Variants in PIP4K2A observed in about 807,000 individuals in gnomAD.
The protein encoded by PIP4K2A is phosphatidylinositol 5-phosphate 4-kinase type-2 alpha.
PIP4K2A carries 14 observed loss-of-function variants against 42.9 expected under a neutral mutation model. The ratio of observed to expected loss-of-function variants is 0.33; its 90% CI spans 0.22 to 0.51. The LOEUF (loss-of-function observed/expected upper bound fraction) is 0.51. Among genes scored for constraint, PIP4K2A ranks in the 20% least tolerant of loss-of-function variants. PIP4K2A has a pLI of 0.97. For synonymous variants in PIP4K2A, 192 were observed against 192.2 expected (o/e 1.00, Z 0.01); for missense variants, 434 against 519.8 (o/e 0.83, Z 1.61).
intron 4 of PIP4K2A, among the ~76,000 whole-genome samples, chr10:22,583,889 C>G (rs936989554): frequency 6.6e-6 from 1 of 152,248 alleles, no homozygotes; most frequent in Non-Finnish European, 1.5e-5. Context: ...CTTCCGAGGG[C>G]AGCCTGTCAT....
intron 1 of PIP4K2A, among the ~76,000 whole-genome samples, chr10:22,706,442 G>A (rs887013424): frequency 3.9e-5 from 6 of 152,104 alleles, no homozygotes; most frequent in African/African-American, 9.7e-5. Context: ...TGACCCCTCC[G>A]CCTGAAATGC....
intron 1 of PIP4K2A, among the ~76,000 whole-genome samples, chr10:22,623,173 A>T (rs1778307): frequency 0.45 from 67,309 of 150,894 alleles, 16,783 homozygotes; most frequent in African/African-American, 0.69. Flanking sequence ...CTTTTTTTTT[A>T]AAAAAAAAGG....
At chr10:22,610,390 A>G (rs1838002737) in intron 1 of PIP4K2A, among the ~76,000 whole-genome samples, 1 of 152,234 alleles carries the variant, frequency 6.6e-6, no homozygotes, top group South Asian at 2.1e-4. Context: ...ACAGCTTTGG[A>G]CACAATTTTG....
At chr10:22,607,819 CTATTA>C (rs1349442143) in intron 3 of PIP4K2A, 103 bp downstream of exon 3, 3 of 620,322 alleles carry the variant, frequency 4.8e-6, no homozygotes, top group African/African-American at 1.9e-5. Context: ...ATGAAAATTA[CTATTA>C]TATAATACTT....
At chr10:22,582,519 A>G (rs1461351950) in intron 4 of PIP4K2A, among the ~76,000 whole-genome samples, 1 of 152,198 alleles carries the variant, frequency 6.6e-6, no homozygotes, top group Non-Finnish European at 1.5e-5. Context: ...ATCATGTTTC[A>G]CTCATTTTTT....
intron 3 of PIP4K2A, among the ~76,000 whole-genome samples, chr10:22,592,923 G>C (rs1439797755): frequency 6.6e-6 from 1 of 152,250 alleles, no homozygotes; most frequent in African/African-American, 2.4e-5. Context: ...AAAGGCCTCA[G>C]TGGCCAAATG....
At chr10:22,605,012 G>T (rs567926881) in intron 3 of PIP4K2A, among the ~76,000 whole-genome samples, 1 of 152,208 alleles carries the variant, frequency 6.6e-6, no homozygotes, top group East Asian at 1.9e-4. Flanking sequence ...AAACCAAGTA[G>T]CCAAAAGACT....
chr10:22,645,066 C>T (rs1838852581), intron 1 of PIP4K2A, among the ~76,000 whole-genome samples: 1 of 152,158 alleles, frequency 6.6e-6, no homozygotes, highest in Non-Finnish European at 1.5e-5. Flanking sequence ...TCAGGTAGAA[C>T]CAAATCACTA....
chr10:22,577,077 CAAAAAA>C (rs5783800), intron 4 of PIP4K2A, among the ~76,000 whole-genome samples: 2 of 76,476 alleles, frequency 2.6e-5, no homozygotes, highest in Admixed American at 1.4e-4. Context: ...ACTCCTGTCT[CAAAAAA>C]AAAAAAAAAA....
chr10:22,653,909 T>C (rs958466617), intron 1 of PIP4K2A, among the ~76,000 whole-genome samples: 1 of 152,020 alleles, frequency 6.6e-6, no homozygotes, highest in African/African-American at 2.4e-5. Flanking sequence ...TTAGTGGAGA[T>C]TTGGGAAAGG....
intron 6 of PIP4K2A, among the ~76,000 whole-genome samples, chr10:22,557,639 T>G (rs1836585335): frequency 6.6e-6 from 1 of 152,204 alleles, no homozygotes; most frequent in African/African-American, 2.4e-5. Context: ...TAAAAAACTA[T>G]CTTTCAGATG....
At chr10:22,682,549 A>G (rs1334573467) in intron 1 of PIP4K2A, among the ~76,000 whole-genome samples, 3 of 152,242 alleles carry the variant, frequency 2.0e-5, no homozygotes, top group Non-Finnish European at 2.9e-5. Flanking sequence ...AAAAAGTGCC[A>G]TCAACTTGAC....
intron 1 of PIP4K2A, among the ~76,000 whole-genome samples, chr10:22,667,378 A>G (rs929202316): frequency 6.7e-6 from 1 of 150,002 alleles, no homozygotes; most frequent in African/African-American, 2.5e-5. Context: ...ATAATTTTTT[A>G]TGAATACCAA....
intron 1 of PIP4K2A, among the ~76,000 whole-genome samples, chr10:22,636,610 T>C (rs886885381): frequency 6.6e-6 from 1 of 151,990 alleles, no homozygotes; most frequent in Non-Finnish European, 1.5e-5. Context: ...GTGTAGATAC[T>C]GTCAAGCAAA....
At chr10:22,670,250 G>A (rs1228800654) in intron 1 of PIP4K2A, among the ~76,000 whole-genome samples, 1 of 152,058 alleles carries the variant, frequency 6.6e-6, no homozygotes, top group African/African-American at 2.4e-5. Context: ...ATGGTGGTGC[G>A]CCCCTGTAGT....
chr10:22,539,838 G>C, intron 9 of PIP4K2A, 133 bp downstream of exon 9: 1 of 714,670 alleles, frequency 1.4e-6, no homozygotes, highest in Non-Finnish European at 2.5e-6. Context: ...AAGCAGCTCA[G>C]TGGCAGAAAG....
chr10:22,583,805 G>A (rs1443548300), intron 4 of PIP4K2A, among the ~76,000 whole-genome samples: 1 of 152,250 alleles, frequency 6.6e-6, no homozygotes, highest in African/African-American at 2.4e-5. Context: ...ATTCCCTCCA[G>A]GGAAGGTCAT....
chr10:22,691,189 T>C (rs570749079), intron 1 of PIP4K2A, among the ~76,000 whole-genome samples: 2 of 152,316 alleles, frequency 1.3e-5, no homozygotes, highest in Admixed American at 6.5e-5. Flanking sequence ...CAGGATGGCA[T>C]CTGCGATTCA....
intron 6 of PIP4K2A, among the ~76,000 whole-genome samples, chr10:22,564,532 G>A (rs1395880852): frequency 6.6e-6 from 1 of 152,136 alleles, no homozygotes; most frequent in Non-Finnish European, 1.5e-5. Flanking sequence ...TTTCCTCTGA[G>A]GAGAAAATCT....
Sources: gnomAD v4.1 joint callset for allele counts (sites outside exome capture counted in the v4.1 genomes callset) on GRCh38, gnomAD v4.1.1 for gene constraint, MANE v1.5 for transcripts, NCBI Gene and HGNC (gene_info 2026-07-23, HGNC 2026-07-21) for gene names.